The following ZFYVE9 variants were observed in gnomAD, a reference collection of about 807,000 sequenced individuals.
ZFYVE9 encodes the protein zinc finger FYVE domain-containing protein 9.
In ZFYVE9, 43 loss-of-function variants were observed where a neutral mutation model predicts 126.7. The observed-to-expected ratio is 0.34, with a 90% CI of 0.27 to 0.44. The LOEUF (loss-of-function observed/expected upper bound fraction) is 0.44. ZFYVE9 is among the 20% of genes least tolerant of loss of function. ZFYVE9 has a pLI of 1.00. For missense variants in ZFYVE9, 1,476 were observed against 1,697.0 expected (o/e 0.87, Z 2.29); for synonymous variants, 521 against 597.4 (o/e 0.87, Z 1.87).
At chr1:52,337,677 G>A (rs1646401355) in intron 15 of ZFYVE9, 95 bp from the exon 16 acceptor site, 2 of 1,405,822 alleles carry the variant, frequency 1.4e-6, no homozygotes, top group Non-Finnish European at 1.9e-6. Flanking sequence ...GCTTTGGAAA[G>A]CAGAGCTAAG....
At chr1:52,193,587 A>G (rs1030126562) in intron 1 of ZFYVE9, among the ~76,000 whole-genome samples, 1 of 151,188 alleles carries the variant, frequency 6.6e-6, no homozygotes, top group Non-Finnish European at 1.5e-5. Context: ...GGCGCCTGTA[A>G]TCCTAGCCAC....
intron 4 of ZFYVE9, among the ~76,000 whole-genome samples, chr1:52,243,745 C>G (rs1645357615): frequency 6.6e-6 from 1 of 151,306 alleles, no homozygotes. Flanking sequence ...AGTGACAGAG[C>G]TGAGACCCCA....
intron 1 of ZFYVE9, chr1:52,179,920 T>G: frequency 9.7e-7 from 1 of 1,035,634 alleles, no homozygotes; most frequent in Non-Finnish European, 1.5e-6. Flanking sequence ...CTGAAAGAAT[T>G]GGAAGAGGAG....
chr1:52,334,680 T>C lies in ZFYVE9; in HGVS notation c.3590-8T>C. The C allele has an allele frequency of 2.5e-6, 4 of 1,613,616 alleles. No individual in the cohort carries two copies. The highest frequency in any genetic ancestry group is 3.4e-6 in the Non-Finnish European group (4 of 1,179,752). ...TGTCTTACTAAACTATTTCTATTGCTGTTTTAGTGACTGGTGCCAGTTTCT... is the reference window on the plus strand; with the variant it reads ...TGTCTTACTAAACTATTTCTATTGCCGTTTTAGTGACTGGTGCCAGTTTCT... On this transcript the variant is annotated splice_region_variant and splice_polypyrimidine_tract_variant and intron_variant, in intron 14 of 18. Transcript: ENST00000287727.
Position 52,302,688 on chromosome 1 carries a change from A to C in ZFYVE9, c.3334-1133A>C, listed in dbSNP as rs146281696. Among the ~76,000 whole-genome samples, 153 of 151,734 alleles carry C rather than the reference A, an allele frequency of 1.0e-3. 1 individual carries two copies. The highest frequency in any genetic ancestry group is 3.4e-3 in the Middle Eastern group (1 of 292). On this transcript the variant is annotated intron_variant, in intron 12 of 18. Coordinates refer to ENST00000287727, the MANE Select transcript of ZFYVE9 (RefSeq NM_004799.4). Reference sequence around the variant, plus strand: ...ATTGCTTGAACCTGGGAGGCAGAGGATTCAGTGAGCCAAGATTGCGCCACT... The same window carrying C: ...ATTGCTTGAACCTGGGAGGCAGAGGCTTCAGTGAGCCAAGATTGCGCCACT...
Position 52,148,573 on chromosome 1 carries a change from G to A in ZFYVE9, c.-143+6170G>A, listed in dbSNP as rs528423196. On this transcript the variant is annotated intron_variant, in intron 1 of 18. Transcript: ENST00000287727. ...TAATAGAACTGATTAACCACATTGGGTGGTGATAGGAATGGTGGTGTGAGG... is the reference window on the plus strand; with the variant it reads ...TAATAGAACTGATTAACCACATTGGATGGTGATAGGAATGGTGGTGTGAGG... Among the ~76,000 whole-genome samples, 5 of 152,114 alleles carry A rather than the reference G, an allele frequency of 3.3e-5. No homozygotes were observed. The South Asian group carries it at 1.0e-3, about 32-fold the overall frequency.
At chr1:52,201,975 G>T (rs962620178) in intron 1 of ZFYVE9, among the ~76,000 whole-genome samples, 4 of 151,374 alleles carry the variant, frequency 2.6e-5, no homozygotes, top group Non-Finnish European at 5.9e-5. Flanking sequence ...GTAGAGACAG[G>T]GTTTCGCCAC....
At chr1:52,178,437 T>C (rs1003757769) in intron 1 of ZFYVE9, among the ~76,000 whole-genome samples, 2 of 151,530 alleles carry the variant, frequency 1.3e-5, no homozygotes, top group Non-Finnish European at 1.5e-5. Flanking sequence ...ATTCAAGTGA[T>C]TCTCTTGCCT....
chr1:52,145,987 T>C (rs754987493), intron 1 of ZFYVE9, among the ~76,000 whole-genome samples: 5 of 151,836 alleles, frequency 3.3e-5, no homozygotes, highest in Admixed American at 1.3e-4. Context: ...CAGTCAGATC[T>C]CTGTATCTGT....
intron 1 of ZFYVE9, chr1:52,180,325 C>G: frequency 6.3e-7 from 1 of 1,576,878 alleles, no homozygotes; most frequent in Admixed American, 1.7e-5. Flanking sequence ...AGGAATCTGC[C>G]CATGATATTT....
intron 1 of ZFYVE9, among the ~76,000 whole-genome samples, chr1:52,177,364 G>A (rs991011603): frequency 3.9e-5 from 6 of 152,120 alleles, no homozygotes; most frequent in African/African-American, 1.4e-4. Flanking sequence ...TGGCCAGGCT[G>A]GTCTTGAACT....
intron 1 of ZFYVE9, among the ~76,000 whole-genome samples, chr1:52,195,463 G>C (rs1644851223): frequency 6.6e-6 from 1 of 152,138 alleles, no homozygotes; most frequent in South Asian, 2.1e-4. Flanking sequence ...CCCAGACACT[G>C]TTCTGGGTGC....
chr1:52,170,537 TCTTG>T (rs1275451729), intron 1 of ZFYVE9, among the ~76,000 whole-genome samples: 1 of 152,188 alleles, frequency 6.6e-6, no homozygotes, highest in Non-Finnish European at 1.5e-5. Flanking sequence ...TTTGGTTTGC[TCTTG>T]CTTTTCTAGT....
chr1:52,307,761 T>C (rs1182797893), intron 13 of ZFYVE9, among the ~76,000 whole-genome samples: 1 of 151,630 alleles, frequency 6.6e-6, no homozygotes, highest in Non-Finnish European at 1.5e-5. Flanking sequence ...TCTTTTTTTT[T>C]TTTTTTCTGA....
chr1:52,312,402 A>G (rs755580092), intron 13 of ZFYVE9, among the ~76,000 whole-genome samples: 1 of 152,208 alleles, frequency 6.6e-6, no homozygotes, highest in Non-Finnish European at 1.5e-5. Context: ...ACTTAACCCT[A>G]GGGTTCCCAT....
chr1:52,342,414 C>T (rs570722231), intron 17 of ZFYVE9, among the ~76,000 whole-genome samples: 11 of 150,474 alleles, frequency 7.3e-5, no homozygotes, highest in South Asian at 4.2e-4. Flanking sequence ...TACAGGCGCC[C>T]GCTACCACGC....
intron 4 of ZFYVE9, among the ~76,000 whole-genome samples, chr1:52,239,807 G>A (rs1428318743): frequency 6.6e-6 from 1 of 152,090 alleles, no homozygotes; most frequent in Admixed American, 6.6e-5. Flanking sequence ...CACGATTTAT[G>A]CTGAATCAGT....
chr1:52,328,401 AGTTT>A (rs1229606988), intron 13 of ZFYVE9, among the ~76,000 whole-genome samples: 2 of 152,192 alleles, frequency 1.3e-5, no homozygotes, highest in Non-Finnish European at 2.9e-5. Context: ...GACTAGTGTA[AGTTT>A]GTTTTATGGT....
chr1:52,281,352 C>G (rs962102057), intron 9 of ZFYVE9, among the ~76,000 whole-genome samples: 9 of 152,134 alleles, frequency 5.9e-5, no homozygotes, highest in Non-Finnish European at 2.9e-5. Flanking sequence ...CCAGGATGGT[C>G]TTGATCTCCT....
Sources: allele counts gnomAD v4.1 joint callset (sites outside exome capture counted in the v4.1 genomes callset), GRCh38; gene constraint gnomAD v4.1.1; transcripts MANE v1.5; gene names NCBI Gene and HGNC (gene_info 2026-07-23, HGNC 2026-07-21).